MYH11: variants seen among roughly 807,000 people sequenced by gnomAD.
The protein encoded by MYH11 is myosin heavy chain 11.
Under a neutral mutation model 246.6 loss-of-function variants are expected in MYH11, and 80 were observed. The ratio of observed to expected loss-of-function variants is 0.32; its 90% CI spans 0.27 to 0.39. MYH11 has a LOEUF of 0.39. MYH11 is among the 10% of genes least tolerant of loss of function. MYH11 has a pLI of 1.00. For missense variants in MYH11, 2,158 were observed against 2,546.8 expected (o/e 0.85, Z 3.29); for synonymous variants, 1,071 against 1,015.5 (o/e 1.05, Z -1.04).
chr16:15,832,259 C>T (rs1477148464), intron 2 of MYH11, among the ~76,000 whole-genome samples: 1 of 152,144 alleles, frequency 6.6e-6, no homozygotes, highest in Non-Finnish European at 1.5e-5. Context: ...GGGACTTGGG[C>T]TTGGAGTTCC....
intron 40 of MYH11, among the ~76,000 whole-genome samples, chr16:15,709,383 C>A (rs1224299035): frequency 6.6e-6 from 1 of 150,456 alleles, no homozygotes; most frequent in African/African-American, 2.4e-5. Flanking sequence ...TGATCTATCT[C>A]TGCTCACTGC....
chr16:15,721,275 C>A, intron 32 of MYH11, 147 bp downstream of exon 32: 2 of 1,035,594 alleles, frequency 1.9e-6, no homozygotes, highest in Admixed American at 2.0e-5. Flanking sequence ...CCCCTCCCAG[C>A]CCCTGCACCA....
At chr16:15,763,178 T>G (rs142148967) in intron 10 of MYH11, among the ~76,000 whole-genome samples, 257 of 152,276 alleles carry the variant, frequency 1.7e-3, no homozygotes, top group African/African-American at 5.8e-3. Flanking sequence ...AAATTGAAAT[T>G]TATCTGGACA....
At chr16:15,788,085 T>TG (rs2042517654) in intron 4 of MYH11, among the ~76,000 whole-genome samples, 1 of 126,146 alleles carries the variant, frequency 7.9e-6, no homozygotes, top group Non-Finnish European at 1.7e-5. Flanking sequence ...ATCTTTTTTT[T>TG]TTTTTTTTTT....
intron 16 of MYH11, among the ~76,000 whole-genome samples, chr16:15,748,627 AT>A (rs1257723699): frequency 2.0e-5 from 3 of 151,268 alleles, no homozygotes; most frequent in Non-Finnish European, 4.4e-5. Flanking sequence ...TGTCCTTTTT[AT>A]TTTTTGAGAT....
chr16:15,716,079 A>C (rs1481492656), intron 38 of MYH11, among the ~76,000 whole-genome samples: 1 of 152,066 alleles, frequency 6.6e-6, no homozygotes, highest in Non-Finnish European at 1.5e-5. Flanking sequence ...CCAGCCTGGG[A>C]AACAGAGTGA....
chr16:15,722,079 A>C (rs529342145), intron 31 of MYH11, among the ~76,000 whole-genome samples: 1 of 152,084 alleles, frequency 6.6e-6, no homozygotes, highest in African/African-American at 2.4e-5. Flanking sequence ...GCTGGTCTCG[A>C]ACTCCTGACC....
chr16:15,745,531 G>A (rs2041392714), intron 19 of MYH11, among the ~76,000 whole-genome samples: 1 of 151,860 alleles, frequency 6.6e-6, no homozygotes, highest in Admixed American at 6.6e-5. Flanking sequence ...TCATTCCTAA[G>A]GGGGCTCCCG....
intron 24 of MYH11, 59 bp from the exon 25 acceptor site, chr16:15,737,679 A>G (rs2041161207): frequency 1.4e-5 from 22 of 1,590,676 alleles, no homozygotes; most frequent in Non-Finnish European, 1.8e-5. Context: ...CCCGGAAATG[A>G]GCCTTCCTGC....
chr16:15,726,018 A>G, intron 28 of MYH11: 1 of 260,298 alleles, frequency 3.8e-6, no homozygotes, highest in Non-Finnish European at 7.2e-6. Context: ...CTCTCTCCTA[A>G]TTTTTCTACT....
intron 3 of MYH11, among the ~76,000 whole-genome samples, chr16:15,801,704 C>T (rs897858257): frequency 1.3e-5 from 2 of 151,426 alleles, no homozygotes; most frequent in African/African-American, 2.4e-5. Context: ...CACTTGTAAT[C>T]CCAGCACTTC....
In MYH11 at chr16:15,715,191, G is replaced by C. The variant is rs542765381; in HGVS notation, c.5586C>G (p.Arg1862=). 89 of 1,613,996 alleles carry C rather than the reference G, an allele frequency of 5.5e-5. 2 individuals carry two copies. In the South Asian group the frequency reaches 8.5e-4, roughly 15 times the overall value. The change falls in exon 39 of 41, where the codon CGC becomes CGG. Residue 1862 remains arginine (R), a synonymous_variant. Transcript: ENST00000300036. Reference sequence around the variant, plus strand: ...GCTCCTTGTACTGCTCGGCCATCTTGCGCTCGTCCTCCACCTGCAGCAAGA... The same window carrying C: ...GCTCCTTGTACTGCTCGGCCATCTTCCGCTCGTCCTCCACCTGCAGCAAGA... ...KEILLQVEDE[R]KMAEQYKEQA... is the part of the protein sequence containing the mutation.
chr16:15,854,611 T>G, intron 1 of MYH11, among the ~76,000 whole-genome samples: 1 of 152,336 alleles, frequency 6.6e-6, no homozygotes, highest in African/African-American at 2.4e-5. Flanking sequence ...GTTATTCTCA[T>G]TAGCCCCATT....
chr16:15,735,285 G>A, intron 26 of MYH11, 81 bp downstream of exon 26: 2 of 1,499,596 alleles, frequency 1.3e-6, no homozygotes, highest in Non-Finnish European at 1.9e-6. Flanking sequence ...TGCACGATTT[G>A]CTTTGGGTTT....
chr16:15,726,601 C>CA (rs1359951249), intron 28 of MYH11: 2 of 582,716 alleles, frequency 3.4e-6, no homozygotes, highest in Non-Finnish European at 6.1e-6. Context: ...CCCCTGACCT[C>CA]AGGTGATCCA....
intron 1 of MYH11, among the ~76,000 whole-genome samples, chr16:15,843,036 C>A (rs2044096236): frequency 6.6e-6 from 1 of 152,052 alleles, no homozygotes. Flanking sequence ...CGAATACATG[C>A]AGAACAATAA....
chr16:15,850,419 C>G (rs1480856526), intron 1 of MYH11, among the ~76,000 whole-genome samples: 1 of 151,898 alleles, frequency 6.6e-6, no homozygotes, highest in Admixed American at 6.6e-5. Context: ...ATTAAATATC[C>G]CAGAGCCCAG....
intron 36 of MYH11, 198 bp from the exon 37 acceptor site, chr16:15,718,636 C>T (rs1490431619): frequency 1.3e-6 from 1 of 766,800 alleles, no homozygotes; most frequent in South Asian, 1.9e-5. Context: ...TCCGTGTCAG[C>T]AAAGCTGGGA....
At chr16:15,790,086 CT>C (rs1050525910) in intron 4 of MYH11, among the ~76,000 whole-genome samples, 6 of 152,214 alleles carry the variant, frequency 3.9e-5, no homozygotes, top group African/African-American at 9.6e-5. Context: ...GGGTGGATCA[CT>C]TGAGGTCAGG....
Sources: gnomAD v4.1 joint callset for allele counts (sites outside exome capture counted in the v4.1 genomes callset) on GRCh38, gnomAD v4.1.1 for gene constraint, MANE v1.5 for transcripts, NCBI Gene and HGNC (gene_info 2026-07-23, HGNC 2026-07-21) for gene names.